The following YES1 variants were observed in gnomAD, a reference collection of about 807,000 sequenced individuals.
YES1 encodes the protein tyrosine-protein kinase Yes.
Under a neutral mutation model 70.4 loss-of-function variants are expected in YES1, and 39 were observed. The observed-to-expected ratio is 0.55, with a 90% CI of 0.43 to 0.72. YES1 has a LOEUF of 0.72. Among genes scored for constraint, YES1 ranks in the 30% least tolerant of loss-of-function variants. The probability of loss-of-function intolerance (pLI) is 0.00; values close to 1 mark genes in which losing one functional copy is unlikely to be tolerated. For missense variants in YES1, 495 were observed against 644.8 expected, an observed-to-expected ratio of 0.77 and a Z score of 2.52; for synonymous variants, 198 against 218.6, an observed-to-expected ratio of 0.91 and a Z score of 0.83.
At chr18:745,284 C>T (rs149435542) in intron 6 of YES1, among the ~76,000 whole-genome samples, 1 of 152,048 alleles carries the variant, frequency 6.6e-6, no homozygotes, top group South Asian at 2.1e-4. Context: ...ATCGTCAGAC[C>T]AAATTTCACT....
intron 2 of YES1, among the ~76,000 whole-genome samples, chr18:753,371 A>G (rs2080366669): frequency 6.6e-6 from 1 of 152,224 alleles, no homozygotes; most frequent in Non-Finnish European, 1.5e-5. Flanking sequence ...GTTCTACAAT[A>G]GATCTCTTGA....
intron 1 of YES1, among the ~76,000 whole-genome samples, chr18:802,878 T>G (rs1487028665): frequency 6.6e-6 from 1 of 151,466 alleles, no homozygotes; most frequent in East Asian, 1.9e-4. Flanking sequence ...AGCCCAGGAG[T>G]TCGAGACAGC....
rs1185404073 is a variant in YES1, at chr18:811,678, C to G, written c.-9+436G>C. Among the ~76,000 whole-genome samples, 5 of 152,248 alleles carry G rather than the reference C, an allele frequency of 3.3e-5. No homozygotes were observed. In the South Asian group the frequency reaches 6.2e-4, roughly 19 times the overall value. On this transcript the variant is annotated intron_variant, in intron 1 of 11. Coordinates refer to ENST00000314574, the MANE Select transcript of YES1 (RefSeq NM_005433.4). ...CCACACACCCGCTCCTCTCCCCGCA[C>G]AGCTGCTACCGGCGTCGGCCGATAC...
At chr18:749,952 C>CAT (rs2145724139) in intron 3 of YES1, among the ~76,000 whole-genome samples, 1 of 151,410 alleles carries the variant, frequency 6.6e-6, no homozygotes, top group East Asian at 1.9e-4. Flanking sequence ...GTTTATAACA[C>CAT]ATAAGCCGTC....
chr18:772,433 C>CT (rs1253858126), intron 1 of YES1, among the ~76,000 whole-genome samples: 1 of 151,544 alleles, frequency 6.6e-6, no homozygotes, highest in Non-Finnish European at 1.5e-5. Flanking sequence ...ATCTCTATTT[C>CT]TTTTTTCTTT....
At chr18:736,990 G>A in intron 9 of YES1, 29 bp from the exon 10 acceptor site, 1 of 1,568,206 alleles carries the variant, frequency 6.4e-7, no homozygotes. Flanking sequence ...AAAAACACAA[G>A]ACATACGATA....
chr18:747,951 C>T lies in YES1; in HGVS notation c.439G>A (p.Val147Ile). The stretch of plus-strand genomic sequence containing the variant: ...GCCTGAATGGAATCTGCAGGCGCTA[C>T]ATAATTGCTCGGGATATAACCATTC... The part of the protein sequence containing the change: ...GKNGYIPSNY[V>I]APADSIQAEE... The change falls in exon 4 of 12, where the codon GTA becomes ATA. Residue 147 changes from valine (V) to isoleucine (I), a missense_variant. By Grantham distance (29) the Val-to-Ile change is conservative. Around this residue, in one of 2 missense-constraint regions of YES1, gnomAD observed 385 missense variants for 540.9 expected, o/e 0.71. Transcript: ENST00000314574. The T allele has an allele frequency of 2.5e-6, 4 of 1,613,784 alleles. No homozygotes were observed. Among genetic ancestry groups the T allele is most frequent in the Non-Finnish European group, 3.4e-6 (4 of 1,179,970 alleles).
At chr18:742,587 C>A (rs1409520305) in intron 8 of YES1, among the ~76,000 whole-genome samples, 1 of 152,006 alleles carries the variant, frequency 6.6e-6, no homozygotes, top group Non-Finnish European at 1.5e-5. Context: ...TGCTTTAGTA[C>A]TAAAAATGTA....
In YES1 at chr18:732,452, A is replaced by C. The variant is rs530488842; in HGVS notation, c.1423+382T>G. Among the ~76,000 whole-genome samples the C allele has an allele frequency of 4.1e-4, 60 of 146,900 alleles. 1 individual carries two copies. The highest frequency in any genetic ancestry group is 1.2e-3 in the African/African-American group (49 of 39,398). ...ACTGTGTTTAAAAAAAAAAAAAAAA[A>C]AAAAACAAAACACCAATCACACTAC... On this transcript the variant is annotated intron_variant, in intron 11 of 11. Transcript: ENST00000314574.
At chr18:769,244 G>A (rs1034337397) in intron 1 of YES1, among the ~76,000 whole-genome samples, 1 of 152,166 alleles carries the variant, frequency 6.6e-6, no homozygotes, top group Non-Finnish European at 1.5e-5. Flanking sequence ...AAAGTGACGT[G>A]CGACCGTAAG....
At chr18:767,733 G>A (rs376134911) in intron 1 of YES1, among the ~76,000 whole-genome samples, 9 of 151,898 alleles carry the variant, frequency 5.9e-5, no homozygotes, top group South Asian at 2.1e-4. Flanking sequence ...TCAGAGTCTC[G>A]CTCTGTGCCT....
At chr18:779,398 T>C (rs1456536435) in intron 1 of YES1, among the ~76,000 whole-genome samples, 1 of 146,070 alleles carries the variant, frequency 6.8e-6, no homozygotes, top group Non-Finnish European at 1.5e-5. Context: ...AGTGAGACCC[T>C]GTCTCAAAAA....
chr18:724,388 T>G lies in YES1; in HGVS notation c.*36A>C. ...AAAATCTACACAAGTTCTTTATATT[T>G]TGGCAGATTTGTGCATATAAAATAG... On this transcript the variant is annotated 3_prime_UTR_variant, in exon 12 of 12. Coordinates refer to ENST00000314574, the MANE Select transcript of YES1 (RefSeq NM_005433.4). The G allele has an allele frequency of 6.4e-7, 1 of 1,558,122 alleles. No individual in the cohort carries two copies. Among genetic ancestry groups the G allele is most frequent in the Non-Finnish European group, 8.8e-7 (1 of 1,135,258 alleles).
intron 1 of YES1, among the ~76,000 whole-genome samples, chr18:774,572 C>T (rs1304039353): frequency 2.0e-5 from 3 of 152,190 alleles, no homozygotes; most frequent in Non-Finnish European, 4.4e-5. Context: ...ACCTATTTCA[C>T]ACCCTTAAAC....
intron 10 of YES1, among the ~76,000 whole-genome samples, chr18:734,041 G>C (rs1029716847): frequency 1.3e-5 from 2 of 152,148 alleles, no homozygotes; most frequent in African/African-American, 4.8e-5. Flanking sequence ...CAATTTGAGA[G>C]GCCGAGGTGG....
chr18:736,771 C>A lies in YES1; in HGVS notation c.1291+37G>T, dbSNP rs770207233. On this transcript the variant is annotated intron_variant, in intron 10 of 11. Transcript: ENST00000314574. ...AGTCAAGAGAGTTAAGCAAAACACA[C>A]AACACATTACAAGCTTTTATGTAAA... 16 of 1,596,948 alleles carry A rather than the reference C, an allele frequency of 1.0e-5. No individual in the cohort carries two copies. The African/African-American group carries it at 1.9e-4, about 19-fold the overall frequency.
In YES1 at chr18:742,891, A is replaced by T. The variant is rs114740824; in HGVS notation, c.1060+27T>A. 2,100 of 1,518,916 alleles carry T rather than the reference A, an allele frequency of 1.4e-3. 21 individuals are homozygous for T. The African/African-American group carries it at 0.027, about 19-fold the overall frequency. The allele number at this position is 1,518,916 out of a possible 1,614,324, so 94.1% of individuals were successfully genotyped here. A position where few individuals can be genotyped will look rare whatever the true frequency, so the allele number is the denominator to read the frequency against. On this transcript the variant is annotated intron_variant, in intron 8 of 11. Transcript: ENST00000314574. ...GACTCTTAAAAACATTATCAACACA[A>T]ATACCTAAGGAGATACTAATACATA...
At chr18:765,567 T>C (rs938185206) in intron 1 of YES1, among the ~76,000 whole-genome samples, 1 of 151,538 alleles carries the variant, frequency 6.6e-6, no homozygotes, top group Non-Finnish European at 1.5e-5. Flanking sequence ...CCCAGCTAAT[T>C]TTTTGTATTT....
At chr18:765,207 T>C (rs2145763527) in intron 1 of YES1, among the ~76,000 whole-genome samples, 1 of 140,474 alleles carries the variant, frequency 7.1e-6, no homozygotes, top group East Asian at 2.3e-4. Flanking sequence ...AAGATAATCA[T>C]CAACTTCAAG....
Sources: allele counts gnomAD v4.1 joint callset (sites outside exome capture counted in the v4.1 genomes callset), GRCh38; gene constraint gnomAD v4.1.1; regional missense constraint gnomAD v4.1.1; transcripts MANE v1.5; gene names NCBI Gene and HGNC (gene_info 2026-07-23, HGNC 2026-07-21).